Variants in KLC1 observed in about 807,000 individuals in gnomAD.
The protein encoded by KLC1 is kinesin 2 60/70kDa.
In KLC1, 30 loss-of-function variants were observed where a neutral mutation model predicts 84.2. The observed-to-expected ratio is 0.36, with a 90% CI of 0.27 to 0.48. The LOEUF (loss-of-function observed/expected upper bound fraction) is 0.48, where lower values mean the gene tolerates loss of function less well. Ranked by LOEUF, KLC1 falls within the 20% of genes least tolerant of loss-of-function variation. The probability of loss-of-function intolerance (pLI) is 0.99; values close to 1 mark genes in which losing one functional copy is unlikely to be tolerated. For synonymous variants in KLC1, 289 were observed against 293.3 expected, an observed-to-expected ratio of 0.99 and a Z score of 0.15; for missense variants, 499 against 805.4, an observed-to-expected ratio of 0.62 and a Z score of 4.60.
intron 5 of KLC1, among the ~76,000 whole-genome samples, chr14:103,667,750 A>G (rs1374084273): frequency 6.6e-6 from 1 of 152,266 alleles, no homozygotes; most frequent in Non-Finnish European, 1.5e-5. Flanking sequence ...ATACGTGGCC[A>G]GAATTAGTGT....
chr14:103,677,261 T>C (rs1193744953), intron 11 of KLC1, among the ~76,000 whole-genome samples, 154 bp from the exon 12 acceptor site: 1 of 151,340 alleles, frequency 6.6e-6, no homozygotes, highest in Non-Finnish European at 1.5e-5. Flanking sequence ...GGAAGAACGC[T>C]TTACAATTTT....
chr14:103,662,363 G>A lies in KLC1; in HGVS notation c.571+169G>A, dbSNP rs535809480. Among the ~76,000 whole-genome samples, 3 of 152,248 alleles carry A rather than the reference G, an allele frequency of 2.0e-5. No homozygotes were observed. In the South Asian group the frequency reaches 6.2e-4, roughly 32 times the overall value. ...TCCAAAATAATCTGTGTTGTGATAC[G>A]GGAATATGCTAGAGCAGACCCTAGG... On this transcript the variant is annotated intron_variant, in intron 4 of 16. Transcript: ENST00000334553.
intron 7 of KLC1, among the ~76,000 whole-genome samples, chr14:103,672,628 A>G (rs1359986741): frequency 1.3e-5 from 2 of 152,280 alleles, no homozygotes; most frequent in Admixed American, 6.5e-5. Context: ...GGCAACTGGG[A>G]CAGCTGTGGG....
At chr14:103,655,975 A>G (rs1020028219) in intron 2 of KLC1, among the ~76,000 whole-genome samples, 10 of 152,294 alleles carry the variant, frequency 6.6e-5, no homozygotes, top group African/African-American at 2.4e-4. Context: ...ATAAGTACTG[A>G]GGTACACTCT....
intron 15 of KLC1, chr14:103,699,480 G>T: frequency 1.2e-6 from 2 of 1,612,748 alleles, no homozygotes; most frequent in Non-Finnish European, 1.7e-6. Context: ...AATTCACAGC[G>T]GAATGGGGCT....
chr14:103,650,273 A>G (rs1318232771), intron 1 of KLC1, among the ~76,000 whole-genome samples: 2 of 152,122 alleles, frequency 1.3e-5, no homozygotes, highest in Non-Finnish European at 2.9e-5. Flanking sequence ...CTTGACGTAC[A>G]GGGAGACTGA....
rs766099473 is a variant in KLC1 at position 103,673,067 on chromosome 14, A to G, written c.1041A>G (p.Leu347=). 1 of 1,613,982 alleles carries G rather than the reference A, an allele frequency of 6.2e-7. No homozygotes were observed. Among genetic ancestry groups the G allele is most frequent in the East Asian group, 2.2e-5 (1 of 44,876 alleles). The change falls in exon 8 of 17, where the codon TTA becomes TTG. Residue 347 remains leucine (L), a synonymous_variant. Coordinates refer to ENST00000334553, the MANE Select transcript of KLC1 (RefSeq NM_001394837.1). The part of the protein sequence containing the change: ...DVAKQLNNLA[L]LCQNQGKYEE... ...CCAAGCAGTTAAATAACTTGGCCTT[A>G]CTGTGCCAGAACCAGGGCAAGTATG...
chr14:103,697,222 C>A, intron 15 of KLC1: 1 of 610,212 alleles, frequency 1.6e-6, no homozygotes, highest in Non-Finnish European at 2.1e-6. Context: ...TTCCCATGTT[C>A]ATGCCAGTGA....
At chr14:103,652,787 G>T (rs965826905) in intron 1 of KLC1, among the ~76,000 whole-genome samples, 2 of 152,188 alleles carry the variant, frequency 1.3e-5, no homozygotes, top group South Asian at 2.1e-4. Flanking sequence ...CACCGTGCCC[G>T]GTCGGCGTTT....
chr14:103,684,608 C>G (rs2081629313), intron 13 of KLC1, among the ~76,000 whole-genome samples: 1 of 152,250 alleles, frequency 6.6e-6, no homozygotes, highest in South Asian at 2.1e-4. Flanking sequence ...GAGGAGGCAG[C>G]TGGGTCGGAC....
intron 13 of KLC1, chr14:103,685,954 G>A: frequency 1.8e-6 from 2 of 1,122,638 alleles, no homozygotes; most frequent in Non-Finnish European, 2.2e-6. Flanking sequence ...AGGTAGTTAA[G>A]TGTCACACAA....
Position 103,629,569 on chromosome 14 carries a change from G to T in KLC1, c.-2+75G>T, listed in dbSNP as rs139539178. On this transcript the variant is annotated intron_variant, in intron 1 of 16. Coordinates refer to ENST00000334553, the MANE Select transcript of KLC1 (RefSeq NM_001394837.1). ...CCCCGTCCCTGTCCCGCTCCTCTTCGGACCCGCCCCGGCCGTAACTCTGTC... is the reference window on the plus strand; with the variant it reads ...CCCCGTCCCTGTCCCGCTCCTCTTCTGACCCGCCCCGGCCGTAACTCTGTC... 9.9e-3 allele frequency: 1,514 copies of T among 152,464 alleles called. 28 individuals are homozygous for T. The highest frequency in any genetic ancestry group is 0.014 in the Non-Finnish European group (923 of 68,318). 9.4% of individuals were successfully genotyped at this position (152,464 alleles called of 1,614,324 possible).
At chr14:103,638,883 A>T (rs539242262) in intron 1 of KLC1, among the ~76,000 whole-genome samples, 1 of 151,290 alleles carries the variant, frequency 6.6e-6, no homozygotes, top group Non-Finnish European at 1.5e-5. Context: ...CATAGGGTGT[A>T]TGTGTGTGAG....
At chr14:103,679,056 T>G (rs776224384) in intron 12 of KLC1, among the ~76,000 whole-genome samples, 4 of 152,138 alleles carry the variant, frequency 2.6e-5, no homozygotes, top group Non-Finnish European at 5.9e-5. Flanking sequence ...GTTCAGGCAT[T>G]GGAGAAGTTT....
At chr14:103,650,230 C>T (rs2078315948) in intron 1 of KLC1, among the ~76,000 whole-genome samples, 1 of 18,550 alleles carries the variant, frequency 5.4e-5, no homozygotes, top group Non-Finnish European at 3.1e-4. Context: ...TGAGCCTGTA[C>T]TATTGTTCCA....
chr14:103,694,872 C>T lies in KLC1; in HGVS notation c.1848+2447C>T, dbSNP rs2082331381. ...TTTAAAATACCTTTCAAAGTTTCAT[C>T]CCGCCTCATGTCGCAGGACTGCTGT... On this transcript the variant is annotated intron_variant, in intron 15 of 16. Coordinates refer to ENST00000334553, the MANE Select transcript of KLC1 (RefSeq NM_001394837.1). This position sits in a 1 kb window ranked among gnomAD's most constrained non-coding sequence, Gnocchi z 4.5. The T allele has an allele frequency of 3.0e-6, 3 of 985,376 alleles. No individual in the cohort carries two copies. The South Asian group carries it at 1.4e-4, about 46-fold the overall frequency. The allele number at this position is 985,376 out of a possible 1,614,324, so 61.0% of individuals were successfully genotyped here. A position where few individuals can be genotyped will look rare whatever the true frequency, so the allele number is the denominator to read the frequency against.
intron 1 of KLC1, among the ~76,000 whole-genome samples, chr14:103,640,628 G>A (rs1464049300): frequency 6.6e-6 from 1 of 152,144 alleles, no homozygotes; most frequent in Non-Finnish European, 1.5e-5. Flanking sequence ...CCAAAGTGCT[G>A]GGATTACAGG....
At chr14:103,695,820 C>T (rs1280404553) in intron 15 of KLC1, 1 of 985,210 alleles carries the variant, frequency 1.0e-6, no homozygotes, top group Non-Finnish European at 1.2e-6. Context: ...AGGGGGCCTC[C>T]CTGAAGCCAG....
At chr14:103,687,252 G>T in intron 14 of KLC1, 41 bp downstream of exon 14, 1 of 1,495,782 alleles carries the variant, frequency 6.7e-7, no homozygotes, top group Non-Finnish European at 9.0e-7. Context: ...CTGCACGCCG[G>T]CTGCTGGGCC....
Sources: allele counts gnomAD v4.1 joint callset (sites outside exome capture counted in the v4.1 genomes callset), GRCh38; gene constraint gnomAD v4.1.1; non-coding constraint Gnocchi (gnomAD v3.1); transcripts MANE v1.5; gene names NCBI Gene and HGNC (gene_info 2026-07-23, HGNC 2026-07-21).